The following RIC1 variants were observed in gnomAD, a reference collection of about 807,000 sequenced individuals.
RIC1 encodes the protein RIC1 partner of RAB6A GEF complex.
Under a neutral mutation model 169.0 loss-of-function variants are expected in RIC1, and 88 were observed. The ratio of observed to expected loss-of-function variants is 0.52; its 90% CI spans 0.44 to 0.62. The LOEUF (loss-of-function observed/expected upper bound fraction) is 0.62. Among genes scored for constraint, RIC1 ranks in the 20% least tolerant of loss-of-function variants. The pLI is 0.00. For synonymous variants in RIC1, 790 were observed against 601.5 expected (o/e 1.31, Z -4.59); for missense variants, 1,877 against 1,725.5 (o/e 1.09, Z -1.56).
chr9:5,649,641 T>C (rs549104435), intron 1 of RIC1, among the ~76,000 whole-genome samples: 30 of 152,246 alleles, frequency 2.0e-4, no homozygotes, highest in African/African-American at 5.3e-4. Flanking sequence ...TCTTTAGTAT[T>C]ATTTTGAATC....
intron 3 of RIC1, among the ~76,000 whole-genome samples, chr9:5,691,498 G>A (rs1821588184): frequency 6.6e-6 from 1 of 151,712 alleles, no homozygotes; most frequent in African/African-American, 2.4e-5. Context: ...AATTTAACTT[G>A]TTTATTTTTC....
At chr9:5,674,973 A>AT (rs1820354516) in intron 2 of RIC1, among the ~76,000 whole-genome samples, 2 of 152,344 alleles carry the variant, frequency 1.3e-5, no homozygotes, top group Admixed American at 1.3e-4. Context: ...CACAAAAGAA[A>AT]TAGCACTCAA....
chr9:5,669,607 T>C (rs1819973849), intron 2 of RIC1, among the ~76,000 whole-genome samples: 2 of 152,056 alleles, frequency 1.3e-5, no homozygotes, highest in African/African-American at 4.8e-5. Flanking sequence ...GTAAAATTGG[T>C]GTTAAAGAAA....
chr9:5,760,164 C>T (rs1826243042), intron 17 of RIC1, among the ~76,000 whole-genome samples: 2 of 152,186 alleles, frequency 1.3e-5, no homozygotes, highest in Admixed American at 6.5e-5. Flanking sequence ...ATAGTCTCTC[C>T]ATGAGAGTGA....
At chr9:5,708,351 C>G (rs1257989173) in intron 3 of RIC1, among the ~76,000 whole-genome samples, 1 of 152,098 alleles carries the variant, frequency 6.6e-6, no homozygotes, top group Non-Finnish European at 1.5e-5. Context: ...TTATATTTAC[C>G]TATGTAATTA....
At chr9:5,777,150 T>C (rs1360293896), downstream of RIC1, among the ~76,000 whole-genome samples, 2 of 152,146 alleles carry the variant, frequency 1.3e-5, no homozygotes, top group Non-Finnish European at 2.9e-5. Context: ...GCCATTTGTC[T>C]ATTTTTGAAG....
chr9:5,715,309 T>G (rs1823164946), intron 4 of RIC1, among the ~76,000 whole-genome samples: 2 of 152,180 alleles, frequency 1.3e-5, no homozygotes, highest in Admixed American at 6.5e-5. Context: ...GTGGGAAACC[T>G]TGTATGGTGC....
chr9:5,737,457 C>G (rs1231536659), intron 7 of RIC1, among the ~76,000 whole-genome samples: 2 of 152,108 alleles, frequency 1.3e-5, no homozygotes, highest in African/African-American at 2.4e-5. Flanking sequence ...CCCTTCTCCA[C>G]CAGAGTATCA....
chr9:5,700,499 A>G (rs1017331057), intron 3 of RIC1, among the ~76,000 whole-genome samples: 2 of 152,064 alleles, frequency 1.3e-5, no homozygotes, highest in Non-Finnish European at 2.9e-5. Flanking sequence ...TTAAAAATCT[A>G]TTCGTAAATC....
intron 17 of RIC1, among the ~76,000 whole-genome samples, chr9:5,759,218 A>G (rs2131072876): frequency 6.6e-6 from 1 of 152,352 alleles, no homozygotes; most frequent in African/African-American, 2.4e-5. Flanking sequence ...ATCATTTTGC[A>G]GTCCTGAGGA....
chr9:5,698,013 G>GT (rs1356769238), intron 3 of RIC1, among the ~76,000 whole-genome samples: 1 of 152,188 alleles, frequency 6.6e-6, no homozygotes, highest in Non-Finnish European at 1.5e-5. Flanking sequence ...CAGGACTTAG[G>GT]TAAGTTATGT....
At chr9:5,678,792 G>C (rs1820618286) in intron 2 of RIC1, among the ~76,000 whole-genome samples, 1 of 152,102 alleles carries the variant, frequency 6.6e-6, no homozygotes, top group African/African-American at 2.4e-5. Flanking sequence ...CATTCTGTAG[G>C]TTGCCTGTTC....
intron 3 of RIC1, among the ~76,000 whole-genome samples, chr9:5,709,446 G>A (rs1212635098): frequency 6.6e-6 from 1 of 152,160 alleles, no homozygotes; most frequent in Non-Finnish European, 1.5e-5. Context: ...TTGTGATCAA[G>A]AGCAAAGTTC....
chr9:5,738,433 CGTT>C lies in RIC1; in HGVS notation c.813-10_813-8del. The C allele has an allele frequency of 6.5e-7, 1 of 1,543,910 alleles. No individual in the cohort carries two copies. Among genetic ancestry groups the C allele is most frequent in the East Asian group, 2.3e-5 (1 of 43,668 alleles). ...TTGTCTTTTTTCACTAAAAGTTTTT[CGTT>C]GTTGTTTTCACAGTGGTTCTGTGCA... On this transcript the variant is annotated splice_polypyrimidine_tract_variant and intron_variant, in intron 7 of 25. Coordinates refer to ENST00000414202, the MANE Select transcript of RIC1 (RefSeq NM_020829.4).
rs191348831 is a variant in RIC1, at chr9:5,754,495, G to A, written c.1603-346G>A. Among the ~76,000 whole-genome samples the A allele has an allele frequency of 4.6e-5, 7 of 152,258 alleles. No homozygotes were observed. In the East Asian group the frequency reaches 5.8e-4, roughly 13 times the overall value. On this transcript the variant is annotated intron_variant, in intron 14 of 25. Coordinates refer to ENST00000414202, the MANE Select transcript of RIC1 (RefSeq NM_020829.4). ...TGTAATCCCAGCACTTTGGGAGGCC[G>A]AAGCAGGCGGATCACTTGAGGCTGG...
intron 7 of RIC1, among the ~76,000 whole-genome samples, chr9:5,733,177 C>T (rs1162457108): frequency 6.6e-6 from 1 of 150,432 alleles, no homozygotes; most frequent in Non-Finnish European, 1.5e-5. Flanking sequence ...CTATGTTGCC[C>T]TCAAAATGAG....
rs1459565627 is a variant in RIC1, at chr9:5,765,389, A to G, written c.2842-25A>G. 1.2e-5 allele frequency: 19 copies of G among 1,602,472 alleles called. No individual in the cohort carries two copies. In the East Asian group the frequency reaches 4.2e-4, roughly 36 times the overall value. Reference sequence around the variant, plus strand: ...TCCCAAATTGTGTAGTATAAAAAGAATGCTGTCCTGGTTGTTTTTTGTAGA... The same window carrying G: ...TCCCAAATTGTGTAGTATAAAAAGAGTGCTGTCCTGGTTGTTTTTTGTAGA... On this transcript the variant is annotated intron_variant, in intron 19 of 25. Transcript: ENST00000414202.
At chr9:5,738,387 T>C in intron 7 of RIC1, 63 bp from the exon 8 acceptor site, 1 of 1,136,678 alleles carries the variant, frequency 8.8e-7, no homozygotes, top group South Asian at 1.4e-5. Context: ...AAGAGTTCTA[T>C]AATGCTTTTT....
intron 10 of RIC1, among the ~76,000 whole-genome samples, chr9:5,744,590 C>G (rs188362882): frequency 1.0e-3 from 152 of 152,068 alleles, no homozygotes; most frequent in Non-Finnish European, 1.4e-3. Flanking sequence ...ACCTTATGCA[C>G]ATAGACTGAA....
Sources: allele counts gnomAD v4.1 joint callset (sites outside exome capture counted in the v4.1 genomes callset), GRCh38; gene constraint gnomAD v4.1.1; transcripts MANE v1.5; gene names NCBI Gene and HGNC (gene_info 2026-07-23, HGNC 2026-07-21).